IARS1: variants seen among roughly 807,000 people sequenced by gnomAD.
IARS1 encodes the protein isoleucyl-tRNA synthetase 1.
In IARS1, 124 loss-of-function variants were observed where a neutral mutation model predicts 168.2. The ratio of observed to expected loss-of-function variants is 0.74; its 90% CI spans 0.64 to 0.86. The LOEUF (loss-of-function observed/expected upper bound fraction) is 0.86, where lower values mean the gene tolerates loss of function less well. Ranked by LOEUF, IARS1 falls within the 40% of genes least tolerant of loss-of-function variation. The pLI, the probability that IARS1 is intolerant of heterozygous loss-of-function variation, is 0.00. For missense variants in IARS1, 1,452 were observed against 1,515.8 expected (o/e 0.96, Z 0.70); for synonymous variants, 532 against 529.4 (o/e 1.00, Z -0.07).
intron 33 of IARS1, among the ~76,000 whole-genome samples, chr9:92,213,129 TA>T (rs1278279765): frequency 1.4e-4 from 20 of 147,004 alleles, no homozygotes; most frequent in South Asian, 4.3e-4. Flanking sequence ...CAACTAAATT[TA>T]AAAAAAAAAG....
chr9:92,292,764 G>A (rs936310487), intron 1 of IARS1, among the ~76,000 whole-genome samples: 1 of 152,108 alleles, frequency 6.6e-6, no homozygotes, highest in African/African-American at 2.4e-5. Flanking sequence ...CACCCTCCCT[G>A]ATATTAACTA....
intron 4 of IARS1, among the ~76,000 whole-genome samples, chr9:92,286,860 CA>C (rs1279846748): frequency 2.6e-5 from 4 of 152,072 alleles, no homozygotes; most frequent in African/African-American, 9.7e-5. Flanking sequence ...AAAAGTCTAC[CA>C]AAACCACCAC....
chr9:92,250,745 G>C lies in IARS1; in HGVS notation c.2397C>G (p.Leu799=), dbSNP rs139226776. The change falls in exon 23 of 34, where the codon CTC becomes CTG. Residue 799 remains leucine (L), a synonymous_variant. Transcript: ENST00000443024. ...GGGGCAGCATGAGGTAGTGAATGCT[G>C]AGTGTGTCCTTGTCCTGAACAGAAA... ...DPVSVQDKDT[L]SIHYLMLPRV... is the part of the protein sequence containing the mutation. 1.9e-6 allele frequency: 3 copies of C among 1,612,920 alleles called. No individual in the cohort carries two copies. Among genetic ancestry groups the C allele is most frequent in the Admixed American group, 1.7e-5 (1 of 59,722 alleles).
At chr9:92,271,420 A>G (rs1011339053) in intron 11 of IARS1, 113 bp downstream of exon 11, 2 of 1,349,246 alleles carry the variant, frequency 1.5e-6, no homozygotes, top group African/African-American at 2.9e-5. Flanking sequence ...ATTTCATGCG[A>G]TGACAAAACC....
At chr9:92,272,864 C>CAAAAAAAAAAAAAAAAAAAAAAA (rs869076663) in intron 10 of IARS1, among the ~76,000 whole-genome samples, 1 of 57,040 alleles carries the variant, frequency 1.8e-5, no homozygotes, top group African/African-American at 8.7e-5. Context: ...CAAAACAAAA[C>CAAAAAAAAAAAAAAAAAAAAAAA]AAAAAAAAAA....
Position 92,265,500 on chromosome 9 carries a change from G to C in IARS1, c.1485C>G (p.Ile495Met). 1 of 1,613,892 alleles carries C rather than the reference G, an allele frequency of 6.2e-7. No homozygotes were observed. The highest frequency in any genetic ancestry group is 1.3e-5 in the African/African-American group (1 of 75,016). ...CTGACCTCTCTCTGTGGAGATCTGA[G>C]ATCTTTGCTCCTGACAGTTCTTCAA... ...AELEELSGAK[I>M]SDLHRESVDH... Residue 495 changes from isoleucine to methionine, a missense_variant, in exon 15 of 34, where the codon ATC becomes ATG. Coordinates refer to ENST00000443024, the MANE Select transcript of IARS1 (RefSeq NM_002161.6).
intron 6 of IARS1, 93 bp downstream of exon 6, chr9:92,285,629 C>A (rs1835322596): frequency 2.7e-6 from 2 of 747,710 alleles, no homozygotes; most frequent in East Asian, 5.0e-5. Flanking sequence ...ACATTCCACA[C>A]TGGGTCTACT....
At position 92,269,984 on chromosome 9, in the gene IARS1, C is replaced by T; in HGVS notation, c.1206-1G>A. 1 of 1,608,152 alleles carries T rather than the reference C, an allele frequency of 6.2e-7. No homozygotes were observed. Among genetic ancestry groups the T allele is most frequent in the Non-Finnish European group, 8.5e-7 (1 of 1,174,686 alleles). ...TTTGTAAATTAGAGGAGTGTCTGAT[C>T]TGGGGAAGCAGAAACACACACATAG... On this transcript the variant is annotated splice_acceptor_variant, in intron 12 of 33. Transcript: ENST00000443024. LOFTEE classifies it high-confidence loss of function.
chr9:92,264,293 C>T (rs1010503422), intron 16 of IARS1, among the ~76,000 whole-genome samples: 4 of 151,688 alleles, frequency 2.6e-5, no homozygotes, highest in African/African-American at 4.9e-5. Flanking sequence ...CGAGATCACA[C>T]CCCTGCACTC....
intron 7 of IARS1, among the ~76,000 whole-genome samples, chr9:92,279,557 C>T (rs1024267152): frequency 9.2e-5 from 14 of 152,174 alleles, no homozygotes; most frequent in African/African-American, 2.9e-4. Flanking sequence ...AAACTCCCTC[C>T]GTACCTTTTT....
intron 30 of IARS1, among the ~76,000 whole-genome samples, chr9:92,229,801 T>G (rs1013159838): frequency 1.3e-5 from 2 of 152,220 alleles, no homozygotes; most frequent in Non-Finnish European, 2.9e-5. Flanking sequence ...CTATTCAGAT[T>G]GCCTCAGTTT....
At chr9:92,220,885 T>C (rs2133384628) in intron 33 of IARS1, among the ~76,000 whole-genome samples, 1 of 151,930 alleles carries the variant, frequency 6.6e-6, no homozygotes. Flanking sequence ...GATCGCTGGA[T>C]CCCAGGAGTT....
chr9:92,231,591 G>GTT (rs113987313), intron 30 of IARS1, among the ~76,000 whole-genome samples: 10 of 124,986 alleles, frequency 8.0e-5, no homozygotes, highest in African/African-American at 1.8e-4. Context: ...TTTTGTATTT[G>GTT]TTTTTTTTTT....
chr9:92,285,832 A>G lies in IARS1; in HGVS notation c.487T>C (p.Phe163Leu). 6.3e-7 allele frequency: 1 copy of G among 1,583,264 alleles called. No homozygotes were observed. Among genetic ancestry groups the G allele is most frequent in the Non-Finnish European group, 8.7e-7 (1 of 1,152,986 alleles). ...AGGCCTTTATCATAGAGTTGTTTGA[A>G]GACCCACCTGGTAAGAGATGGAGTT... ...PQFMESVWWVFKQLYDKGLVY... is the reference protein window; with the variant it reads ...PQFMESVWWVLKQLYDKGLVY... Residue 163 changes from phenylalanine to leucine, a missense_variant, in exon 6 of 34, where the codon TTC becomes CTC. Transcript: ENST00000443024.
intron 30 of IARS1, among the ~76,000 whole-genome samples, chr9:92,234,958 C>T (rs1399310891): frequency 2.0e-5 from 3 of 152,060 alleles, no homozygotes; most frequent in African/African-American, 7.3e-5. Flanking sequence ...ATTCTCCTGC[C>T]TCAGCCTCCT....
chr9:92,266,154 T>C (rs187373825), intron 14 of IARS1, among the ~76,000 whole-genome samples: 11 of 152,338 alleles, frequency 7.2e-5, no homozygotes, highest in Admixed American at 7.2e-4. Context: ...ATAGCCATAC[T>C]CTCAATGGAT....
chr9:92,236,046 G>T (rs1827470772), intron 30 of IARS1, among the ~76,000 whole-genome samples: 1 of 151,530 alleles, frequency 6.6e-6, no homozygotes, highest in African/African-American at 2.4e-5. Context: ...GCAATGGCAC[G>T]ATCTCAGCTC....
At chr9:92,243,055 G>A (rs1006086537) in intron 28 of IARS1, 161 bp downstream of exon 28, 8 of 565,046 alleles carry the variant, frequency 1.4e-5, no homozygotes, top group African/African-American at 7.5e-5. Context: ...GAGAGGAAGA[G>A]GAGTGACTTT....
chr9:92,269,210 T>C (rs1832693619), intron 13 of IARS1, among the ~76,000 whole-genome samples: 1 of 152,200 alleles, frequency 6.6e-6, no homozygotes, highest in Non-Finnish European at 1.5e-5. Flanking sequence ...TTTGCTGCCC[T>C]GAGATTCTCC....
Sources: gnomAD v4.1 joint callset for allele counts (sites outside exome capture counted in the v4.1 genomes callset) on GRCh38, gnomAD v4.1.1 for gene constraint, MANE v1.5 for transcripts, NCBI Gene and HGNC (gene_info 2026-07-23, HGNC 2026-07-21) for gene names.